Variants in PKN2 observed in about 807,000 individuals in gnomAD.
PKN2 encodes protein kinase N2, also known as serine/threonine-protein kinase N2.
In PKN2, 38 loss-of-function variants were observed where a neutral mutation model predicts 119.1. That is an observed-to-expected ratio of 0.32 (90% CI 0.25 to 0.42). PKN2 has a LOEUF of 0.42. Ranked by LOEUF, PKN2 falls within the 10% of genes least tolerant of loss-of-function variation. The pLI, the probability that PKN2 is intolerant of heterozygous loss-of-function variation, is 1.00. For missense variants in PKN2, 850 were observed against 1,165.1 expected, an observed-to-expected ratio of 0.73 and a Z score of 3.94; for synonymous variants, 390 against 384.9, an observed-to-expected ratio of 1.01 and a Z score of -0.15.
chr1:88,698,160 C>CT (rs1206006536), intron 1 of PKN2, among the ~76,000 whole-genome samples: 2 of 152,012 alleles, frequency 1.3e-5, no homozygotes, highest in African/African-American at 2.4e-5. Context: ...ATTTTTTAAC[C>CT]TTTTTTTGTC....
chr1:88,730,204 C>T (rs563408856), intron 1 of PKN2, among the ~76,000 whole-genome samples: 2 of 151,958 alleles, frequency 1.3e-5, no homozygotes, highest in African/African-American at 2.4e-5. Context: ...GCCTACAGGG[C>T]CCTATATGAT....
At position 88,807,794 on chromosome 1, in the gene PKN2, A is replaced by G; in HGVS notation, c.2102+19A>G. Reference sequence around the variant, plus strand: ...TAGACAGGTTAGTTTTTAAAAATGAAATTGTTTATTTTTCTGAATTTGTAA... The same window carrying G: ...TAGACAGGTTAGTTTTTAAAAATGAGATTGTTTATTTTTCTGAATTTGTAA... On this transcript the variant is annotated intron_variant, in intron 15 of 21. Transcript: ENST00000370521. The G allele has an allele frequency of 7.2e-7, 1 of 1,395,138 alleles. No individual in the cohort carries two copies. The highest frequency in any genetic ancestry group is 1.0e-6 in the Non-Finnish European group (1 of 1,004,728). The allele number at this position is 1,395,138 out of a possible 1,614,324, so 86.4% of individuals were successfully genotyped here. A position where few individuals can be genotyped will look rare whatever the true frequency, so the allele number is the denominator to read the frequency against.
At chr1:88,735,889 G>C (rs980078231) in intron 1 of PKN2, among the ~76,000 whole-genome samples, 5 of 152,078 alleles carry the variant, frequency 3.3e-5, no homozygotes, top group African/African-American at 1.2e-4. Flanking sequence ...GTTTTGGGAA[G>C]TTTTGTGTTA....
At chr1:88,758,649 G>A (rs1669314936) in intron 2 of PKN2, among the ~76,000 whole-genome samples, 2 of 152,078 alleles carry the variant, frequency 1.3e-5, no homozygotes, top group South Asian at 2.1e-4. Flanking sequence ...TTGTGTTCCT[G>A]CATTAGTTTG....
At chr1:88,779,098 G>A (rs1010998633) in intron 6 of PKN2, among the ~76,000 whole-genome samples, 2 of 152,120 alleles carry the variant, frequency 1.3e-5, no homozygotes, top group African/African-American at 4.8e-5. Flanking sequence ...ACAGGTCAAA[G>A]CAGGTGACCA....
chr1:88,784,541 AT>A (rs149517865), intron 6 of PKN2, 97 bp from the exon 7 acceptor site: 717 of 602,552 alleles, frequency 1.2e-3, no homozygotes, highest in East Asian at 2.0e-3. Flanking sequence ...TTGTTACCAG[AT>A]TTTTTTTTTC....
At chr1:88,725,021 C>T (rs762898730) in intron 1 of PKN2, among the ~76,000 whole-genome samples, 10 of 151,794 alleles carry the variant, frequency 6.6e-5, no homozygotes, top group African/African-American at 9.7e-5. Flanking sequence ...TTCAGCCTCC[C>T]AAGTAGCTGG....
Position 88,770,459 on chromosome 1 carries a change from T to G in PKN2, c.612T>G (p.Ala204=). Residue 204 remains alanine, a synonymous_variant, in exon 4 of 22, where the codon GCT becomes GCG. Transcript: ENST00000370521. ...AGGCAGTCCAGACTAATGAATTGGC[T>G]TTTGATAATGGTGATGGAATAAATT... is the stretch of plus-strand genomic sequence containing the variant. ...ILQAVQTNEL[A]FDNAKPVISP... 6.4e-7 allele frequency: 1 copy of G among 1,557,040 alleles called. No individual in the cohort carries two copies. The highest frequency in any genetic ancestry group is 8.9e-7 in the Non-Finnish European group (1 of 1,127,866).
chr1:88,807,526 C>G lies in PKN2; in HGVS notation c.1935-3C>G. 6.2e-7 allele frequency: 1 copy of G among 1,610,080 alleles called. No homozygotes were observed. Among genetic ancestry groups the G allele is most frequent in the Non-Finnish European group, 8.5e-7 (1 of 1,177,572 alleles). On this transcript the variant is annotated splice_region_variant and splice_polypyrimidine_tract_variant and intron_variant, in intron 13 of 21. Coordinates refer to ENST00000370521, the MANE Select transcript of PKN2 (RefSeq NM_006256.4). ...TATTATTAATTGAAATTTCTCTTTT[C>G]AGATCTCAGCAAAGGTTTCAGTTTA...
intron 4 of PKN2, among the ~76,000 whole-genome samples, chr1:88,770,942 A>T (rs533297185): frequency 7.1e-6 from 1 of 141,530 alleles, no homozygotes; most frequent in Non-Finnish European, 1.5e-5. Context: ...ATGCTTTTAG[A>T]TATTTGGCCC....
chr1:88,789,192 A>AATT, intron 8 of PKN2, among the ~76,000 whole-genome samples: 2 of 152,292 alleles, frequency 1.3e-5, no homozygotes, highest in Middle Eastern at 3.4e-3. Flanking sequence ...GATTGGGACT[A>AATT]ACAGTGGGAT....
chr1:88,817,783 G>C (rs1672066490), intron 16 of PKN2, among the ~76,000 whole-genome samples: 1 of 150,822 alleles, frequency 6.6e-6, no homozygotes, highest in African/African-American at 2.5e-5. Context: ...CAATAAACTA[G>C]GTGTTGATGG....
At chr1:88,744,195 C>G (rs1402432027) in intron 2 of PKN2, among the ~76,000 whole-genome samples, 1 of 152,056 alleles carries the variant, frequency 6.6e-6, no homozygotes, top group Non-Finnish European at 1.5e-5. Flanking sequence ...AAGGTAATCC[C>G]ATGAATTTAT....
chr1:88,804,423 T>C lies in PKN2; in HGVS notation c.1314T>C (p.Arg438=). 1 of 1,613,294 alleles carries C rather than the reference T, an allele frequency of 6.2e-7. No homozygotes were observed. ...AACTGGAAATTTCAGTTTATTGGCG[T>C]GATTGGCGGTCTCTGTGTGCTGTAA... is the stretch of plus-strand genomic sequence containing the variant. The part of the protein sequence containing the change: ...SRELEISVYW[R]DWRSLCAVKF... The change falls in exon 9 of 22, where the codon CGT becomes CGC. Residue 438 remains arginine (R), a synonymous_variant. Coordinates refer to ENST00000370521, the MANE Select transcript of PKN2 (RefSeq NM_006256.4).
At chr1:88,764,399 AC>A (rs1457223930) in intron 3 of PKN2, among the ~76,000 whole-genome samples, 1 of 152,202 alleles carries the variant, frequency 6.6e-6, no homozygotes, top group Non-Finnish European at 1.5e-5. Flanking sequence ...TCATTGCATT[AC>A]CACCACCTTA....
chr1:88,758,568 TCTC>T (rs1034438865), intron 2 of PKN2, among the ~76,000 whole-genome samples: 1 of 152,138 alleles, frequency 6.6e-6, no homozygotes, highest in Non-Finnish European at 1.5e-5. Context: ...TGACTGTTGT[TCTC>T]CTCTATGTGT....
chr1:88,831,514 T>G (rs1672732953), intron 19 of PKN2, among the ~76,000 whole-genome samples: 1 of 151,992 alleles, frequency 6.6e-6, no homozygotes, highest in Non-Finnish European at 1.5e-5. Flanking sequence ...TAGTATATTT[T>G]ATTTATGTAT....
intron 1 of PKN2, among the ~76,000 whole-genome samples, chr1:88,713,253 A>G (rs971330220): frequency 6.6e-6 from 1 of 152,160 alleles, no homozygotes; most frequent in Admixed American, 6.5e-5. Context: ...ATATGTCTTT[A>G]TAGTAGCATG....
intron 2 of PKN2, among the ~76,000 whole-genome samples, chr1:88,743,279 G>A (rs1469176708): frequency 3.3e-5 from 5 of 152,132 alleles, no homozygotes; most frequent in African/African-American, 1.2e-4. Context: ...ACAATTGTGT[G>A]TGTGCACCCA....
Sources: allele counts gnomAD v4.1 joint callset (sites outside exome capture counted in the v4.1 genomes callset), GRCh38; gene constraint gnomAD v4.1.1; transcripts MANE v1.5; gene names NCBI Gene and HGNC (gene_info 2026-07-23, HGNC 2026-07-21).